DMD: variants seen among roughly 807,000 people sequenced by gnomAD.
The protein encoded by DMD is dystrophin.
A neutral mutation model predicts 330.1 loss-of-function variants in DMD; 63 were observed. The ratio of observed to expected loss-of-function variants is 0.19; its 90% confidence interval spans 0.16 to 0.24. The LOEUF (loss-of-function observed/expected upper bound fraction) is 0.24, where lower values mean the gene tolerates loss of function less well. Ranked by LOEUF, DMD falls within the 10% of genes least tolerant of loss-of-function variation. The pLI is 1.00. For missense variants in DMD, 3,344 were observed against 2,684.1 expected (o/e 1.25, Z -5.43); for synonymous variants, 1,223 against 959.8 (o/e 1.27, Z -5.07).
At chrX:31,372,505 A>G (rs1429520541) in intron 60 of DMD, among the ~76,000 whole-genome samples, 3 of 112,047 alleles carry the variant, frequency 2.7e-5, no homozygotes, top group Non-Finnish European at 3.8e-5. Flanking sequence ...TTTCGGAGAG[A>G]AGGCCCAGTA....
intron 18 of DMD, among the ~76,000 whole-genome samples, chrX:32,514,001 G>A (rs191246842): frequency 9.7e-4 from 108 of 111,546 alleles, no homozygotes; most frequent in African/African-American, 3.0e-3. Context: ...AGTAAGATAA[G>A]GCACGTTAAG....
chrX:32,783,326 CACACATATATAT>C (rs2075047177), intron 7 of DMD, among the ~76,000 whole-genome samples: 2 of 99,387 alleles, frequency 2.0e-5, no homozygotes, highest in Non-Finnish European at 4.0e-5. Context: ...TATATATATA[CACACATATATAT>C]ACACATATAT....
intron 21 of DMD, among the ~76,000 whole-genome samples, chrX:32,483,257 G>A (rs1037608534): frequency 9.8e-6 from 1 of 102,041 alleles, no homozygotes; most frequent in Non-Finnish European, 2.0e-5. Flanking sequence ...TACAGTGGAA[G>A]TGGGGACAAT....
chrX:32,419,448 G>C (rs2098180514), intron 29 of DMD, among the ~76,000 whole-genome samples: 1 of 112,243 alleles, frequency 8.9e-6, no homozygotes, highest in Non-Finnish European at 1.9e-5. Flanking sequence ...ACTCTTGTGA[G>C]GGGCTTTGGT....
chrX:31,867,684 T>C (rs1218983953), intron 48 of DMD, among the ~76,000 whole-genome samples: 2 of 111,413 alleles, frequency 1.8e-5, no homozygotes, highest in East Asian at 5.6e-4. Flanking sequence ...GTTATAGTTG[T>C]ATGGGTCAAC....
intron 63 of DMD, among the ~76,000 whole-genome samples, chrX:31,252,149 T>G (rs2049434231): frequency 8.9e-6 from 1 of 112,456 alleles, no homozygotes; most frequent in Non-Finnish European, 1.9e-5. Flanking sequence ...ATGGGGAAAG[T>G]CAATGGATCC....
intron 16 of DMD, among the ~76,000 whole-genome samples, chrX:32,549,095 T>TA (rs2049266700): frequency 8.9e-6 from 1 of 111,741 alleles, no homozygotes; most frequent in South Asian, 3.7e-4. Context: ...ATTTCCCTAG[T>TA]AAAAATGGGA....
chrX:32,045,896 A>G (rs35992741), intron 44 of DMD, among the ~76,000 whole-genome samples: 40,331 of 111,502 alleles, frequency 0.36, 5,683 homozygotes, highest in African/African-American at 0.52. Context: ...TGATAAAATT[A>G]TTGGCAATTG....
At chrX:33,015,896 G>A (rs895857626) in intron 2 of DMD, among the ~76,000 whole-genome samples, 3 of 110,856 alleles carry the variant, frequency 2.7e-5, no homozygotes, top group Non-Finnish European at 5.7e-5. Flanking sequence ...ATTGTGGCAG[G>A]CCAGGTCTCA....
At chrX:33,107,310 C>A (rs1462173329) in intron 1 of DMD, among the ~76,000 whole-genome samples, 1 of 878 alleles carries the variant, frequency 1.1e-3, no homozygotes, top group Non-Finnish European at 3.2e-3. Flanking sequence ...GAAGCTCTGT[C>A]CCCCCCCCCC....
intron 44 of DMD, among the ~76,000 whole-genome samples, chrX:32,091,313 A>T (rs747407193): frequency 4.1e-4 from 46 of 112,045 alleles, no homozygotes; most frequent in Non-Finnish European, 7.1e-4. Flanking sequence ...ATACATAGAA[A>T]CTTATATATT....
chrX:31,993,665 G>A (rs1315949481), intron 44 of DMD, among the ~76,000 whole-genome samples: 1 of 111,636 alleles, frequency 9.0e-6, no homozygotes, highest in Non-Finnish European at 1.9e-5. Context: ...GAGCAGCCAC[G>A]GTTTCTGGTT....
intron 21 of DMD, among the ~76,000 whole-genome samples, chrX:32,482,394 TCATATAA>T (rs1220786414): frequency 8.9e-6 from 1 of 111,768 alleles, no homozygotes; most frequent in Non-Finnish European, 1.9e-5. Flanking sequence ...ATCAAGAGAC[TCATATAA>T]CATATGATCT....
chrX:32,747,398 G>A (rs1211914516), intron 7 of DMD, among the ~76,000 whole-genome samples: 1 of 112,047 alleles, frequency 8.9e-6, no homozygotes, highest in Non-Finnish European at 1.9e-5. Flanking sequence ...TGTGGCTGCA[G>A]AATCTTGCCC....
At chrX:31,539,236 G>T (rs1313195642) in intron 55 of DMD, among the ~76,000 whole-genome samples, 1 of 111,358 alleles carries the variant, frequency 9.0e-6, no homozygotes, top group Non-Finnish European at 1.9e-5. Flanking sequence ...AGCCATTCAC[G>T]TATTTTCCTT....
intron 9 of DMD, among the ~76,000 whole-genome samples, chrX:32,693,166 G>T (rs1044331316): frequency 9.0e-6 from 1 of 111,540 alleles, no homozygotes; most frequent in African/African-American, 3.3e-5. Context: ...CAGTGAATGT[G>T]GTCAGCCTCT....
intron 60 of DMD, among the ~76,000 whole-genome samples, chrX:31,353,025 G>A (rs1468088573): frequency 9.0e-6 from 1 of 111,427 alleles, no homozygotes; most frequent in Non-Finnish European, 1.9e-5. Flanking sequence ...TTATGTTCTG[G>A]CACAATCAGT....
chrX:33,238,912 G>A (rs1411222018), intron 1 of DMD, among the ~76,000 whole-genome samples: 1 of 110,808 alleles, frequency 9.0e-6, no homozygotes, highest in Admixed American at 9.7e-5. Context: ...ATGCACCCTT[G>A]CTACTTACCA....
chrX:31,598,110 T>G (rs761457121), intron 55 of DMD, among the ~76,000 whole-genome samples: 68 of 109,103 alleles, frequency 6.2e-4, no homozygotes, highest in Non-Finnish European at 1.1e-4. Flanking sequence ...GTATCTTGTT[T>G]TTTTTTTTTT....
Sources: gnomAD v4.1 joint callset for allele counts (sites outside exome capture counted in the v4.1 genomes callset) on GRCh38, gnomAD v4.1.1 for gene constraint, MANE v1.5 for transcripts, NCBI Gene and HGNC (gene_info 2026-07-23, HGNC 2026-07-21) for gene names.